Variants in PAWR observed in about 807,000 individuals in gnomAD.
PAWR encodes the protein pro-apoptotic WT1 regulator.
Under a neutral mutation model 32.0 loss-of-function variants are expected in PAWR, and 23 were observed. The observed-to-expected ratio is 0.72, with a 90% CI of 0.52 to 1.02. The LOEUF (loss-of-function observed/expected upper bound fraction) is 1.02, where lower values mean the gene tolerates loss of function less well. PAWR is among the 50% of genes least tolerant of loss of function. PAWR has a pLI of 0.00. For synonymous variants in PAWR, 226 were observed against 187.1 expected, an observed-to-expected ratio of 1.21 and a Z score of -1.70; for missense variants, 457 against 437.7, an observed-to-expected ratio of 1.04 and a Z score of -0.39.
At chr12:79,664,310 C>G (rs1877494784) in intron 2 of PAWR, among the ~76,000 whole-genome samples, 1 of 152,076 alleles carries the variant, frequency 6.6e-6, no homozygotes, top group African/African-American at 2.4e-5. Context: ...TCTTCTTTCA[C>G]TCCACCTCTG....
At chr12:79,684,063 T>TA (rs1320567071) in intron 2 of PAWR, among the ~76,000 whole-genome samples, 10 of 152,062 alleles carry the variant, frequency 6.6e-5, no homozygotes, top group Non-Finnish European at 1.3e-4. Context: ...GATGAAAATA[T>TA]AAAAGCACTT....
intron 2 of PAWR, among the ~76,000 whole-genome samples, chr12:79,644,599 G>A (rs183047632): frequency 1.2e-4 from 18 of 152,126 alleles, no homozygotes; most frequent in South Asian, 2.1e-4. Flanking sequence ...AAAAACTTTC[G>A]TCAATGATTC....
chr12:79,658,972 T>TAAAAAAAA (rs550704257), intron 2 of PAWR, among the ~76,000 whole-genome samples: 1 of 86,650 alleles, frequency 1.2e-5, no homozygotes. Flanking sequence ...CTTAGCACAC[T>TAAAAAAAA]AAAAAAAAAA....
chr12:79,601,831 G>A (rs547825050), intron 4 of PAWR, among the ~76,000 whole-genome samples: 5 of 152,176 alleles, frequency 3.3e-5, no homozygotes, highest in African/African-American at 4.8e-5. Context: ...ATTTTTAATG[G>A]CTATCAAAGC....
chr12:79,604,894 C>T (rs1874107900), intron 4 of PAWR, among the ~76,000 whole-genome samples: 1 of 152,052 alleles, frequency 6.6e-6, no homozygotes, highest in South Asian at 2.1e-4. Flanking sequence ...AGATAATGTC[C>T]ATTAACATTT....
intron 4 of PAWR, among the ~76,000 whole-genome samples, chr12:79,611,355 A>G (rs1874434197): frequency 6.7e-6 from 1 of 149,064 alleles, no homozygotes; most frequent in African/African-American, 2.4e-5. Flanking sequence ...ATATATATAT[A>G]AAAAATAAGT....
intron 2 of PAWR, among the ~76,000 whole-genome samples, chr12:79,639,831 T>TCCTTTCCCATTCCCATTC (rs879765629): frequency 7.9e-6 from 1 of 126,428 alleles, no homozygotes; most frequent in African/African-American, 3.9e-5. Context: ...CTTTTCCTTT[T>TCCTTTCCCATTCCCATTC]CCATTCCTAT....
chr12:79,619,393 T>C (rs1874894054), intron 3 of PAWR, among the ~76,000 whole-genome samples: 2 of 152,176 alleles, frequency 1.3e-5, no homozygotes, highest in Admixed American at 1.3e-4. Context: ...TGTAAAGTGC[T>C]TGCTTTAAGT....
chr12:79,652,197 C>G (rs1458289768), intron 2 of PAWR, among the ~76,000 whole-genome samples: 1 of 152,012 alleles, frequency 6.6e-6, no homozygotes, highest in African/African-American at 2.4e-5. Flanking sequence ...TGTAAATATA[C>G]TTAATGCCAC....
intron 4 of PAWR, among the ~76,000 whole-genome samples, chr12:79,597,402 C>T (rs1385812364): frequency 2.0e-5 from 3 of 152,068 alleles, no homozygotes; most frequent in East Asian, 1.9e-4. Flanking sequence ...AACCACTTTC[C>T]TTCTTCAAAA....
intron 2 of PAWR, among the ~76,000 whole-genome samples, chr12:79,681,315 C>G (rs546484574): frequency 1.3e-5 from 2 of 152,248 alleles, no homozygotes; most frequent in East Asian, 3.9e-4. Context: ...ATGCATCCAA[C>G]TGGACATGGT....
At chr12:79,609,725 T>C (rs1478831020) in intron 4 of PAWR, among the ~76,000 whole-genome samples, 1 of 152,160 alleles carries the variant, frequency 6.6e-6, no homozygotes, top group Non-Finnish European at 1.5e-5. Context: ...AATTCGTTCA[T>C]GTGACCTGAT....
chr12:79,671,309 C>T (rs1055973503), intron 2 of PAWR, among the ~76,000 whole-genome samples: 2 of 152,142 alleles, frequency 1.3e-5, no homozygotes, highest in African/African-American at 4.8e-5. Flanking sequence ...CCACCAATTT[C>T]AAGATTAAAT....
intron 2 of PAWR, among the ~76,000 whole-genome samples, chr12:79,677,211 C>T (rs532732653): frequency 1.3e-5 from 2 of 152,210 alleles, no homozygotes; most frequent in East Asian, 3.9e-4. Context: ...ATTCTGTAGA[C>T]ATTAAGAATA....
rs1873581393 is a variant in PAWR at position 79,592,230 on chromosome 12, T to C, written c.*377A>G. 5.2e-6 allele frequency: 1 copy of C among 190,778 alleles called. No homozygotes were observed. The highest frequency in any genetic ancestry group is 1.1e-5 in the Non-Finnish European group (1 of 93,826). 11.8% of individuals were successfully genotyped at this position (190,778 alleles called of 1,614,324 possible). ...AGTAATAGGACATGTGAAGGTAACA[T>C]CCCAAAAGTATTTGAACTCATGTAA... is the stretch of plus-strand genomic sequence containing the variant. On this transcript the variant is annotated 3_prime_UTR_variant, in exon 7 of 7. Transcript: ENST00000328827.
At chr12:79,639,881 T>TATTCCTATTCCCATTCCATTCC in intron 2 of PAWR, among the ~76,000 whole-genome samples, 1 of 112,502 alleles carries the variant, frequency 8.9e-6, no homozygotes, top group African/African-American at 5.1e-5. Context: ...TTCCTATTCC[T>TATTCCTATTCCCATTCCATTCC]ATTCCATTCC....
chr12:79,614,151 C>T (rs1428018679), intron 3 of PAWR, among the ~76,000 whole-genome samples: 1 of 149,904 alleles, frequency 6.7e-6, no homozygotes, highest in East Asian at 2.0e-4. Flanking sequence ...GCTGGGATTA[C>T]AGGCATGTGC....
chr12:79,663,024 A>G (rs776969416), intron 2 of PAWR, among the ~76,000 whole-genome samples: 31 of 152,210 alleles, frequency 2.0e-4, no homozygotes, highest in Non-Finnish European at 8.8e-5. Context: ...AGGCAGTTCA[A>G]TCTCCATTAT....
intron 2 of PAWR, among the ~76,000 whole-genome samples, chr12:79,689,501 T>C (rs1878858557): frequency 6.6e-6 from 1 of 152,204 alleles, no homozygotes; most frequent in African/African-American, 2.4e-5. Flanking sequence ...ATCTGAGACC[T>C]GGCCAGGAAG....
Sources: allele counts gnomAD v4.1 joint callset (sites outside exome capture counted in the v4.1 genomes callset), GRCh38; gene constraint gnomAD v4.1.1; transcripts MANE v1.5; gene names NCBI Gene and HGNC (gene_info 2026-07-23, HGNC 2026-07-21).